GRHL2: variants seen among roughly 807,000 people sequenced by gnomAD.
GRHL2 encodes grainyhead-like protein 2 homolog.
Under a neutral mutation model 83.8 loss-of-function variants are expected in GRHL2, and 21 were observed. The observed-to-expected ratio is 0.25, with a 90% CI of 0.18 to 0.36. GRHL2 has a LOEUF of 0.36. Among genes scored for constraint, GRHL2 ranks in the 10% least tolerant of loss-of-function variants. The pLI is 1.00. For synonymous variants in GRHL2, 280 were observed against 278.9 expected, an observed-to-expected ratio of 1.00 and a Z score of -0.04; for missense variants, 623 against 781.8, an observed-to-expected ratio of 0.80 and a Z score of 2.42.
rs547427197 is a variant in GRHL2 at position 101,661,164 on chromosome 8, A to G, written c.1699-3290A>G. On this transcript the variant is annotated intron_variant, in intron 14 of 15. Coordinates refer to ENST00000646743, the MANE Select transcript of GRHL2 (RefSeq NM_024915.4). ...AATTTTTTTAAAAAGTCCATCAGCTATCATTAGTGTTAGTGTGTTTTATGT... is the reference window on the plus strand; with the variant it reads ...AATTTTTTTAAAAAGTCCATCAGCTGTCATTAGTGTTAGTGTGTTTTATGT... Among the ~76,000 whole-genome samples, 26 of 152,324 alleles carry G rather than the reference A, an allele frequency of 1.7e-4. No individual in the cohort carries two copies. In the South Asian group the frequency reaches 3.3e-3, roughly 19 times the overall value.
intron 1 of GRHL2, among the ~76,000 whole-genome samples, chr8:101,510,722 T>A (rs542652805): frequency 6.6e-6 from 1 of 152,342 alleles, no homozygotes; most frequent in Non-Finnish European, 1.5e-5. Context: ...ACTTTAACAA[T>A]TTTTGTGGAT....
chr8:101,667,918 T>C lies in GRHL2; in HGVS notation c.*1215T>C, dbSNP rs891049052. ...AAAAGGCCTGCTGCCATGTGAGAGCTGTGAACAGCTCAGCTCTGAGTCGGC... is the reference window on the plus strand; with the variant it reads ...AAAAGGCCTGCTGCCATGTGAGAGCCGTGAACAGCTCAGCTCTGAGTCGGC... On this transcript the variant is annotated 3_prime_UTR_variant, in exon 16 of 16. Coordinates refer to ENST00000646743, the MANE Select transcript of GRHL2 (RefSeq NM_024915.4). 1.0e-4 allele frequency: 16 copies of C among 152,870 alleles called. No homozygotes were observed. The highest frequency in any genetic ancestry group is 1.3e-4 in the Non-Finnish European group (9 of 68,208). 9.5% of individuals were successfully genotyped at this position (152,870 alleles called of 1,614,324 possible). A position where few individuals can be genotyped will look rare whatever the true frequency, so the allele number is the denominator to read the frequency against.
At chr8:101,506,421 G>GT (rs1810341156) in intron 1 of GRHL2, among the ~76,000 whole-genome samples, 1 of 152,126 alleles carries the variant, frequency 6.6e-6, no homozygotes, top group South Asian at 2.1e-4. Context: ...TATCAATGTG[G>GT]TTTTACAAAG....
At chr8:101,671,723 A>G (rs988710839), downstream of GRHL2, among the ~76,000 whole-genome samples, 8 of 152,228 alleles carry the variant, frequency 5.3e-5, no homozygotes, top group African/African-American at 1.9e-4. Flanking sequence ...AGATCTGAGA[A>G]CGGGCAGACT....
intron 1 of GRHL2, among the ~76,000 whole-genome samples, chr8:101,522,240 G>T (rs1488198572): frequency 1.3e-5 from 2 of 151,856 alleles, no homozygotes; most frequent in South Asian, 4.2e-4. Flanking sequence ...AAAACTGTGG[G>T]TCTAACCAGC....
chr8:101,612,101 T>G (rs1288544405), intron 8 of GRHL2, among the ~76,000 whole-genome samples: 1 of 151,026 alleles, frequency 6.6e-6, no homozygotes, highest in East Asian at 1.9e-4. Flanking sequence ...GCAATTCTCC[T>G]GCCTCAGCCT....
chr8:101,528,226 T>C (rs545170782), intron 1 of GRHL2, among the ~76,000 whole-genome samples: 1 of 152,210 alleles, frequency 6.6e-6, no homozygotes, highest in South Asian at 2.1e-4. Context: ...GTCTTATGAT[T>C]TTTTGTTTGT....
intron 8 of GRHL2, among the ~76,000 whole-genome samples, chr8:101,603,699 C>T (rs1461893919): frequency 6.6e-6 from 1 of 152,178 alleles, no homozygotes. Context: ...GAGACAGAGT[C>T]TTTCTGCACA....
intron 8 of GRHL2, among the ~76,000 whole-genome samples, chr8:101,616,650 G>C (rs951082406): frequency 2.6e-5 from 4 of 152,154 alleles, no homozygotes; most frequent in Admixed American, 1.3e-4. Context: ...GCTCTGTTTT[G>C]TCTTCCTGGG....
At chr8:101,671,923 T>A (rs1211410750), downstream of GRHL2, among the ~76,000 whole-genome samples, 5 of 152,182 alleles carry the variant, frequency 3.3e-5, no homozygotes, top group Non-Finnish European at 7.3e-5. Context: ...CAGCCACCGC[T>A]GCTGATACCC....
intron 1 of GRHL2, among the ~76,000 whole-genome samples, chr8:101,505,598 CA>C (rs1177125674): frequency 1.3e-3 from 105 of 81,332 alleles, no homozygotes; most frequent in African/African-American, 4.1e-3. Flanking sequence ...AAAAAAAAAA[CA>C]GTGTAAATAA....
chr8:101,493,717 G>T (rs1810025890), intron 1 of GRHL2, among the ~76,000 whole-genome samples: 1 of 152,094 alleles, frequency 6.6e-6, no homozygotes, highest in Non-Finnish European at 1.5e-5. Flanking sequence ...TGCTCTCGCC[G>T]TCAAGGCCGA....
At chr8:101,517,426 A>G (rs1342633410) in intron 1 of GRHL2, among the ~76,000 whole-genome samples, 1 of 152,170 alleles carries the variant, frequency 6.6e-6, no homozygotes, top group Non-Finnish European at 1.5e-5. Context: ...GAGTGCAGGG[A>G]AAGTGTCCAG....
Position 101,587,835 on chromosome 8 carries a change from C to A in GRHL2, c.1003+10316C>A, listed in dbSNP as rs1403254247. 4.6e-5 allele frequency among the ~76,000 whole-genome samples: 7 copies of A among 152,194 alleles called. No homozygotes were observed. The East Asian group carries it at 1.3e-3, about 29-fold the overall frequency. Reference sequence around the variant, plus strand: ...GCCGGTCTATTCAGCCACCCTCTAGCATTTGCTAGAAGTTTCTCTCCCTGT... The same window carrying A: ...GCCGGTCTATTCAGCCACCCTCTAGAATTTGCTAGAAGTTTCTCTCCCTGT... On this transcript the variant is annotated intron_variant, in intron 7 of 15. Coordinates refer to ENST00000646743, the MANE Select transcript of GRHL2 (RefSeq NM_024915.4).
intron 1 of GRHL2, among the ~76,000 whole-genome samples, chr8:101,523,476 AG>A (rs540863130): frequency 3.9e-5 from 1 of 25,526 alleles, no homozygotes; most frequent in Admixed American, 6.6e-4. Flanking sequence ...ATCCACTGAA[AG>A]TTTTTTTTTT....
At chr8:101,665,902 C>T (rs2129774539) in intron 15 of GRHL2, among the ~76,000 whole-genome samples, 1 of 152,258 alleles carries the variant, frequency 6.6e-6, no homozygotes, top group Admixed American at 6.5e-5. Flanking sequence ...AAGCTGTTGG[C>T]TTTCTTAAAA....
intron 3 of GRHL2, among the ~76,000 whole-genome samples, chr8:101,554,414 T>C (rs1811450593): frequency 6.6e-6 from 1 of 152,238 alleles, no homozygotes; most frequent in African/African-American, 2.4e-5. Context: ...CCATGTGCTC[T>C]GTCTACCTTT....
chr8:101,543,667 T>C (rs1258690960), intron 2 of GRHL2: 1 of 554,658 alleles, frequency 1.8e-6, no homozygotes, highest in East Asian at 3.2e-5. Flanking sequence ...TTTTTTGTGT[T>C]CCTTGTTCAC....
At chr8:101,542,248 T>A (rs984764197) in intron 1 of GRHL2, among the ~76,000 whole-genome samples, 25 of 152,164 alleles carry the variant, frequency 1.6e-4, no homozygotes, top group African/African-American at 6.0e-4. Context: ...TGAAACCTGC[T>A]CTCTCTTAGG....
Sources: gnomAD v4.1 joint callset for allele counts (sites outside exome capture counted in the v4.1 genomes callset) on GRCh38, gnomAD v4.1.1 for gene constraint, MANE v1.5 for transcripts, NCBI Gene and HGNC (gene_info 2026-07-23, HGNC 2026-07-21) for gene names.